YBEY: variants seen among roughly 807,000 people sequenced by gnomAD.
The protein encoded by YBEY is ybeY metalloendoribonuclease, also known as endoribonuclease YbeY.
In YBEY, 15 loss-of-function variants were observed where a neutral mutation model predicts 13.5. The observed-to-expected ratio is 1.11, with a 90% CI of 0.75 to 1.72. The LOEUF is 1.72. YBEY is among the 40% of genes most tolerant of loss of function. The pLI is 0.00. For missense variants in YBEY, 244 were observed against 208.4 expected (o/e 1.17, Z -1.05); for synonymous variants, 101 against 83.1 (o/e 1.21, Z -1.17).
downstream of YBEY, chr21:46,302,436 C>G (rs765264549): frequency 8.3e-6 from 12 of 1,437,662 alleles, no homozygotes; most frequent in Non-Finnish European, 1.2e-5. Context: ...AGAAAAACCA[C>G]CCAGGCCCTG....
chr21:46,291,413 A>T lies in YBEY; in HGVS notation c.290A>T (p.Tyr97Phe). 6.2e-7 allele frequency: 1 copy of T among 1,614,100 alleles called. No individual in the cohort carries two copies. The highest frequency in any genetic ancestry group is 1.3e-5 in the African/African-American group (1 of 75,030). ...GGAGACATTTTCCTAGGAGTGGAGT[A>T]TATCTTCCATCAGTGTAAAGAAAAT... is the stretch of plus-strand genomic sequence containing the variant. ...NLGDIFLGVE[Y>F]IFHQCKENED... The change falls in exon 3 of 5, where the codon TAT (tyrosine) becomes TTT (phenylalanine). Residue 97 changes from tyrosine to phenylalanine, a missense_variant. Physicochemically the swap from Tyr to Phe is conservative, Grantham distance 22 (BLOSUM62 3). Transcript: ENST00000397701.
intron 3 of YBEY, chr21:46,291,989 C>G (rs61202414): frequency 0.12 from 44,807 of 384,886 alleles, 2,811 homozygotes; most frequent in African/African-American, 0.16. Flanking sequence ...TCAGAGGCTA[C>G]AGTTTCTACA....
chr21:46,295,064 T>C (rs1402127374), intron 3 of YBEY, among the ~76,000 whole-genome samples: 1 of 152,140 alleles, frequency 6.6e-6, no homozygotes, highest in African/African-American at 2.4e-5. Context: ...GATTCAGCCC[T>C]GGGATCTCTG....
At chr21:46,296,252 C>G in intron 4 of YBEY, 22 bp downstream of exon 4, 1 of 1,612,948 alleles carries the variant, frequency 6.2e-7, no homozygotes, top group African/African-American at 1.3e-5. Context: ...ATCCATCCCA[C>G]TACCGAGGGG....
chr21:46,306,930 C>T, the YBEY span, among the ~76,000 whole-genome samples: 4 of 151,186 alleles, frequency 2.6e-5, no homozygotes, highest in African/African-American at 9.7e-5. Flanking sequence ...GAGTCTTGGT[C>T]TGTCACCCAG....
chr21:46,310,247 C>T, the YBEY span, among the ~76,000 whole-genome samples: 1 of 151,188 alleles, frequency 6.6e-6, no homozygotes, highest in Admixed American at 6.6e-5. Context: ...GAGGCCAAGG[C>T]GGGTGGATTG....
downstream of YBEY, among the ~76,000 whole-genome samples, chr21:46,298,492 G>GCA (rs1385774166): frequency 1.4e-4 from 20 of 140,468 alleles, no homozygotes; most frequent in Admixed American, 1.5e-3. Flanking sequence ...GCAGTGGTGC[G>GCA]ATCTCGGCTC....
At chr21:46,306,941 G>A in the YBEY span, among the ~76,000 whole-genome samples, 1 of 148,848 alleles carries the variant, frequency 6.7e-6, no homozygotes, top group Non-Finnish European at 1.5e-5. Context: ...TGTCACCCAG[G>A]CTGGAGTGCA....
chr21:46,311,827 C>A, the YBEY span, among the ~76,000 whole-genome samples: 1 of 151,548 alleles, frequency 6.6e-6, no homozygotes, highest in East Asian at 1.9e-4. Flanking sequence ...ACCCATCCAC[C>A]CATCCAACCA....
the YBEY span, among the ~76,000 whole-genome samples, chr21:46,310,497 TA>T: frequency 0.06 from 7,663 of 127,294 alleles, 250 homozygotes; most frequent in Non-Finnish European, 0.072. Context: ...AAAATAAAAA[TA>T]AAAAAAAAAA....
chr21:46,306,342 T>C, the YBEY span, among the ~76,000 whole-genome samples: 1 of 149,230 alleles, frequency 6.7e-6, no homozygotes, highest in Non-Finnish European at 1.5e-5. Context: ...CAACTAAAAA[T>C]ACAAAAATTA....
chr21:46,311,316 A>T, the YBEY span: 1 of 441,576 alleles, frequency 2.3e-6, no homozygotes, highest in Non-Finnish European at 4.1e-6. Flanking sequence ...TCATTTATAT[A>T]AGGATTTCTT....
chr21:46,302,117 G>T, downstream of YBEY: 1 of 1,523,156 alleles, frequency 6.6e-7, no homozygotes. Flanking sequence ...CCTTGGCCTG[G>T]CAGCTCGTGG....
the YBEY span, chr21:46,311,636 C>T: frequency 1.2e-6 from 1 of 857,960 alleles, no homozygotes; most frequent in African/African-American, 1.7e-5. Context: ...ATCTACCACC[C>T]ATCCATCCAC....
At chr21:46,295,099 G>A (rs565188669) in intron 3 of YBEY, among the ~76,000 whole-genome samples, 6 of 152,160 alleles carry the variant, frequency 3.9e-5, no homozygotes, top group Non-Finnish European at 8.8e-5. Flanking sequence ...GGGCGGGGGG[G>A]TATGTGGACA....
At chr21:46,310,409 G>A in the YBEY span, among the ~76,000 whole-genome samples, 1 of 151,870 alleles carries the variant, frequency 6.6e-6, no homozygotes, top group Non-Finnish European at 1.5e-5. Flanking sequence ...AACCCAGGAG[G>A]TGGAGGTTGC....
the YBEY span, among the ~76,000 whole-genome samples, chr21:46,305,888 G>A: frequency 6.6e-6 from 1 of 152,002 alleles, no homozygotes; most frequent in Non-Finnish European, 1.5e-5. Context: ...CTTGCAGTGA[G>A]CTGAGATTGC....
At chr21:46,299,342 C>G (rs1450360618), downstream of YBEY, among the ~76,000 whole-genome samples, 2 of 152,068 alleles carry the variant, frequency 1.3e-5, no homozygotes, top group African/African-American at 4.8e-5. Context: ...CGCCCGTGGC[C>G]CAGGCAGCAG....
chr21:46,302,554 C>T (rs1372762779), downstream of YBEY: 1 of 1,609,540 alleles, frequency 6.2e-7, no homozygotes, highest in Admixed American at 1.7e-5. Flanking sequence ...GTGCGTTCTG[C>T]AGCAGCAGCA....
Sources: gnomAD v4.1 joint callset for allele counts (sites outside exome capture counted in the v4.1 genomes callset) on GRCh38, gnomAD v4.1.1 for gene constraint, MANE v1.5 for transcripts, NCBI Gene and HGNC (gene_info 2026-07-23, HGNC 2026-07-21) for gene names.